The following XPO7 variants were observed in gnomAD, a reference collection of about 807,000 sequenced individuals.
XPO7 encodes exportin-7.
XPO7 carries 21 observed loss-of-function variants against 144.3 expected under a neutral mutation model. The ratio of observed to expected loss-of-function variants is 0.15; its 90% CI spans 0.10 to 0.21. XPO7 has a LOEUF of 0.21. Among genes scored for constraint, XPO7 ranks in the 10% least tolerant of loss-of-function variants. XPO7 has a pLI of 1.00. For missense variants in XPO7, 808 were observed against 1,325.8 expected, an observed-to-expected ratio of 0.61 and a Z score of 6.06; for synonymous variants, 580 against 499.6, an observed-to-expected ratio of 1.16 and a Z score of -2.15.
At position 21,932,784 on chromosome 8, in the gene XPO7, G is replaced by T. The variant is rs192248884; in HGVS notation, c.18+12996G>T. Among the ~76,000 whole-genome samples the T allele has an allele frequency of 2.8e-3, 420 of 152,222 alleles. 2 individuals are homozygous for T. The highest frequency in any genetic ancestry group is 0.027 in the South Asian group (128 of 4,818). ...ATGCTAAATGTTAATATAGTCTAGC[G>T]GCTAGTCGTCAACTGTAGGCTATTC... On this transcript the variant is annotated intron_variant, in intron 1 of 27. Transcript: ENST00000252512.
chr8:21,958,849 T>C (rs1811626509), intron 1 of XPO7, among the ~76,000 whole-genome samples: 1 of 151,446 alleles, frequency 6.6e-6, no homozygotes, highest in African/African-American at 2.4e-5. Context: ...TAATCCCAGC[T>C]ACTTGGGAGA....
Position 21,937,750 on chromosome 8 carries a change from T to C in XPO7, c.18+17962T>C, listed in dbSNP as rs141450782. On this transcript the variant is annotated intron_variant, in intron 1 of 27. Coordinates refer to ENST00000252512, the MANE Select transcript of XPO7 (RefSeq NM_015024.5). ...AAGGAAATCAGTACCCGATTCTTGG[T>C]ATCTTTGTTCCTCTTTTATAAAAGG... Among the ~76,000 whole-genome samples, 697 of 152,294 alleles carry C rather than the reference T, an allele frequency of 4.6e-3. 8 individuals are homozygous for C. Among genetic ancestry groups the C allele is most frequent in the African/African-American group, 0.015 (626 of 41,582 alleles).
chr8:21,988,735 G>T (rs1338151819), intron 15 of XPO7: 4 of 447,138 alleles, frequency 8.9e-6, no homozygotes, highest in Non-Finnish European at 1.6e-5. Context: ...ATCAGCCCTG[G>T]AGTGCCCCAG....
intron 4 of XPO7, 143 bp downstream of exon 4, chr8:21,970,453 C>T (rs2117332047): frequency 3.3e-6 from 3 of 921,596 alleles, no homozygotes; most frequent in Non-Finnish European, 3.0e-6. Flanking sequence ...GATATATTCT[C>T]TTCTGCATGT....
chr8:21,974,794 C>A lies in XPO7; in HGVS notation c.597+20C>A. 6.6e-7 allele frequency: 1 copy of A among 1,522,292 alleles called. No homozygotes were observed. The highest frequency in any genetic ancestry group is 1.2e-5 in the South Asian group (1 of 80,936). 94.3% of individuals were successfully genotyped at this position (1,522,292 alleles called of 1,614,324 possible). A position where few individuals can be genotyped will look rare whatever the true frequency, so the allele number is the denominator to read the frequency against. ...AAACAGGTGAGCATGTAGTTTGGGTCATATTTCCCAGTTTCTTTTGAAAGA... is the reference window on the plus strand; with the variant it reads ...AAACAGGTGAGCATGTAGTTTGGGTAATATTTCCCAGTTTCTTTTGAAAGA... On this transcript the variant is annotated intron_variant, in intron 6 of 27. Coordinates refer to ENST00000252512, the MANE Select transcript of XPO7 (RefSeq NM_015024.5).
chr8:21,969,734 A>G lies in XPO7; in HGVS notation c.259+158A>G, dbSNP rs191989554. 1,728 of 719,082 alleles carry G rather than the reference A, an allele frequency of 2.4e-3. 24 individuals are homozygous for G. In the African/African-American group the frequency reaches 0.028, roughly 12 times the overall value. The allele number at this position is 719,082 out of a possible 1,614,324, so 44.5% of individuals were successfully genotyped here. On this transcript the variant is annotated intron_variant, in intron 3 of 27. Coordinates refer to ENST00000252512, the MANE Select transcript of XPO7 (RefSeq NM_015024.5). ...TCGTTTCCAGAATTTGGGGCTTATG[A>G]AAGTGAAGGGCCCGACGCAATAACT...
At chr8:21,979,973 A>C (rs1812350292) in intron 8 of XPO7, 111 bp from the exon 9 acceptor site, 5 of 1,236,518 alleles carry the variant, frequency 4.0e-6, no homozygotes, top group Non-Finnish European at 5.3e-6. Context: ...TTTTAAAATA[A>C]TGTTGCTTCA....
chr8:21,990,420 A>T lies in XPO7; in HGVS notation c.1932+13A>T. On this transcript the variant is annotated intron_variant, in intron 17 of 27. Transcript: ENST00000252512. ...GAACAATCACACGGTGAGTGATTTT[A>T]GCTTTTTTTCCTGGCCCTCCTACCA... 6.2e-7 allele frequency: 1 copy of T among 1,613,306 alleles called. No homozygotes were observed. The highest frequency in any genetic ancestry group is 8.5e-7 in the Non-Finnish European group (1 of 1,179,340).
intron 21 of XPO7, among the ~76,000 whole-genome samples, chr8:21,998,238 G>A (rs1382319328): frequency 6.6e-6 from 1 of 152,098 alleles, no homozygotes. Flanking sequence ...TCAGGAGATC[G>A]AGACCATCCT....
At position 21,985,583 on chromosome 8, in the gene XPO7, C is replaced by T; in HGVS notation, c.1472-3C>T. On this transcript the variant is annotated splice_polypyrimidine_tract_variant and splice_region_variant and intron_variant, in intron 12 of 27. Coordinates refer to ENST00000252512, the MANE Select transcript of XPO7 (RefSeq NM_015024.5). The stretch of plus-strand genomic sequence containing the variant: ...GTGACACTGGGTCTGTCTCCTGCTG[C>T]AGGAAGGCTGACATGGCTGGTTTAC... 3 of 1,613,922 alleles carry T rather than the reference C, an allele frequency of 1.9e-6. No homozygotes were observed. The highest frequency in any genetic ancestry group is 2.5e-6 in the Non-Finnish European group (3 of 1,179,824).
intron 16 of XPO7, among the ~76,000 whole-genome samples, chr8:21,989,890 C>A (rs1812709770): frequency 9.1e-6 from 1 of 109,980 alleles, no homozygotes; most frequent in Non-Finnish European, 1.8e-5. Flanking sequence ...TGCTCTGTTG[C>A]CCAGGCTGGA....
intron 7 of XPO7, 107 bp downstream of exon 7, chr8:21,976,628 T>A (rs986900278): frequency 7.7e-7 from 1 of 1,305,952 alleles, no homozygotes; most frequent in African/African-American, 1.5e-5. Flanking sequence ...TGAGGGAGAA[T>A]TGAGAAAAAA....
intron 1 of XPO7, among the ~76,000 whole-genome samples, chr8:21,920,359 C>A (rs372781449): frequency 4.9e-4 from 74 of 152,206 alleles, no homozygotes; most frequent in African/African-American, 1.8e-3. Context: ...CACTCCAAAT[C>A]GTACAGCCCG....
At chr8:21,991,769 G>A in intron 18 of XPO7, 99 bp from the exon 19 acceptor site, 1 of 823,718 alleles carries the variant, frequency 1.2e-6, no homozygotes, top group Non-Finnish European at 1.8e-6. Flanking sequence ...ACCCCCTTGA[G>A]TTCCCCTGGG....
rs1330286888 is a variant in XPO7, at chr8:21,971,861, A to G, written c.427-15A>G. On this transcript the variant is annotated splice_polypyrimidine_tract_variant and intron_variant, in intron 4 of 27. Coordinates refer to ENST00000252512, the MANE Select transcript of XPO7 (RefSeq NM_015024.5). Reference sequence around the variant, plus strand: ...CACATGACAACTCTTTCTACCTTATACTTTTTTTAACCAGGATAGTGTTGA... The same window carrying G: ...CACATGACAACTCTTTCTACCTTATGCTTTTTTTAACCAGGATAGTGTTGA... 3 of 1,607,800 alleles carry G rather than the reference A, an allele frequency of 1.9e-6. No individual in the cohort carries two copies. The South Asian group carries it at 3.3e-5, about 18-fold the overall frequency.
intron 1 of XPO7, among the ~76,000 whole-genome samples, chr8:21,955,605 C>T (rs1811509214): frequency 6.6e-6 from 1 of 152,038 alleles, no homozygotes; most frequent in African/African-American, 2.4e-5. Context: ...GGCCAACTCA[C>T]AGTTGTTGTC....
intron 1 of XPO7, among the ~76,000 whole-genome samples, chr8:21,929,203 T>C (rs926371828): frequency 6.6e-6 from 1 of 152,246 alleles, no homozygotes; most frequent in Non-Finnish European, 1.5e-5. Flanking sequence ...AAATTTCTAT[T>C]GGACAGTGCT....
chr8:22,005,103 C>T lies in XPO7; in HGVS notation c.*15C>T. The T allele has an allele frequency of 2.5e-6, 4 of 1,604,552 alleles. No individual in the cohort carries two copies. The highest frequency in any genetic ancestry group is 2.6e-6 in the Non-Finnish European group (3 of 1,172,956). ...TGATGAGCTGACACCTCCTTGGACTCTACCTGTACAGAGCAGCGTCCCTTT... is the reference window on the plus strand; with the variant it reads ...TGATGAGCTGACACCTCCTTGGACTTTACCTGTACAGAGCAGCGTCCCTTT... On this transcript the variant is annotated 3_prime_UTR_variant, in exon 28 of 28. Coordinates refer to ENST00000252512, the MANE Select transcript of XPO7 (RefSeq NM_015024.5).
At chr8:21,930,385 T>C (rs1386634946) in intron 1 of XPO7, among the ~76,000 whole-genome samples, 2 of 152,150 alleles carry the variant, frequency 1.3e-5, no homozygotes, top group Non-Finnish European at 2.9e-5. Context: ...TAGCTAGAAA[T>C]GTATGCCAAT....
Sources: allele counts gnomAD v4.1 joint callset (sites outside exome capture counted in the v4.1 genomes callset), GRCh38; gene constraint gnomAD v4.1.1; transcripts MANE v1.5; gene names NCBI Gene and HGNC (gene_info 2026-07-23, HGNC 2026-07-21).